UNC13D: variants seen among roughly 807,000 people sequenced by gnomAD.
The protein encoded by UNC13D is unc-13 homolog D.
A neutral mutation model predicts 151.7 loss-of-function variants in UNC13D; 115 were observed. The observed-to-expected ratio is 0.76, with a 90% CI of 0.65 to 0.88. The LOEUF (loss-of-function observed/expected upper bound fraction) is 0.88, where lower values mean the gene tolerates loss of function less well. Among genes scored for constraint, UNC13D ranks in the 40% least tolerant of loss-of-function variants. The pLI, the probability that UNC13D is intolerant of heterozygous loss-of-function variation, is 0.00. For synonymous variants in UNC13D, 588 were observed against 612.2 expected, an observed-to-expected ratio of 0.96 and a Z score of 0.58; for missense variants, 1,369 against 1,438.7, an observed-to-expected ratio of 0.95 and a Z score of 0.78.
At position 75,844,292 on chromosome 17, in the gene UNC13D, G is replaced by A. The variant is rs370709761; in HGVS notation, c.46C>T (p.Arg16Cys). 15 of 1,612,652 alleles carry A rather than the reference G, an allele frequency of 9.3e-6. No homozygotes were observed. The highest frequency in any genetic ancestry group is 2.2e-5 in the East Asian group (1 of 44,888). ...SHPQQRPPFL[R>C]QAIKIRRRRV... ...CGGCGCCTTATCTTGATGGCCTGGC[G>A]CAAGAAGGGAGGGCGCTGCTGCGGA... The change falls in exon 1 of 32, where the codon CGC becomes TGC. Residue 16 changes from arginine (R) to cysteine (C), a missense_variant. Around this residue, in one of 3 missense-constraint regions of UNC13D, gnomAD observed 550 missense variants for 609.0 expected, o/e 0.90. Coordinates refer to ENST00000207549, the MANE Select transcript of UNC13D (RefSeq NM_199242.3).
chr17:75,827,480 C>T lies in UNC13D; in HGVS notation c.*485G>A. 6.7e-7 allele frequency: 1 copy of T among 1,485,582 alleles called. No individual in the cohort carries two copies. Among genetic ancestry groups the T allele is most frequent in the East Asian group, 2.5e-5 (1 of 40,328 alleles). 92.0% of individuals were successfully genotyped at this position (1,485,582 alleles called of 1,614,324 possible). A position where few individuals can be genotyped will look rare whatever the true frequency, so the allele number is the denominator to read the frequency against. ...GGACCCAGGCCCCCTCTAGTAATGG[C>T]CACCACCCTCCCCCCAGGGCAGCTG... On this transcript the variant is annotated 3_prime_UTR_variant, in exon 32 of 32. Coordinates refer to ENST00000207549, the MANE Select transcript of UNC13D (RefSeq NM_199242.3).
intron 6 of UNC13D, among the ~76,000 whole-genome samples, chr17:75,841,853 A>T (rs1286722040): frequency 1.8e-4 from 27 of 149,594 alleles, no homozygotes; most frequent in Non-Finnish European, 3.0e-4. Context: ...GGTTCAAGCG[A>T]TTCCCCTGCC....
rs1331260307 is a variant in UNC13D at position 75,827,445 on chromosome 17, C to G, written c.*520G>C. The G allele has an allele frequency of 2.8e-6, 4 of 1,441,326 alleles. No individual in the cohort carries two copies. Among genetic ancestry groups the G allele is most frequent in the Non-Finnish European group, 3.6e-6 (4 of 1,099,000 alleles). 89.3% of individuals were successfully genotyped at this position (1,441,326 alleles called of 1,614,324 possible). A position where few individuals can be genotyped will look rare whatever the true frequency, so the allele number is the denominator to read the frequency against. ...CTTCCTGGCCTGGATGCTGGCAGCC[C>G]CTGGGGAGAGGACCCAGGCCCCCTC... is the stretch of plus-strand genomic sequence containing the variant. On this transcript the variant is annotated 3_prime_UTR_variant, in exon 32 of 32. Transcript: ENST00000207549.
intron 20 of UNC13D, 97 bp downstream of exon 20, chr17:75,835,312 C>A (rs760680818): frequency 8.7e-6 from 13 of 1,494,716 alleles, no homozygotes; most frequent in Non-Finnish European, 1.2e-5. Context: ...ATGTTCAGAG[C>A]GGGTTACTGG....
chr17:75,835,367 C>G (rs538837305), intron 20 of UNC13D, 42 bp downstream of exon 20: 1 of 1,603,092 alleles, frequency 6.2e-7, no homozygotes, highest in Non-Finnish European at 8.5e-7. Flanking sequence ...AAGCCTCACC[C>G]CCAAACCGGG....
intron 6 of UNC13D, among the ~76,000 whole-genome samples, chr17:75,842,044 G>C (rs955176619): frequency 6.6e-6 from 1 of 151,850 alleles, no homozygotes; most frequent in African/African-American, 2.4e-5. Context: ...ACCACGCCCG[G>C]CCTTTTTTGT....
In UNC13D at chr17:75,839,948, G is replaced by A; in HGVS notation, c.952-6C>T. 6.2e-7 allele frequency: 1 copy of A among 1,613,730 alleles called. No homozygotes were observed. Among genetic ancestry groups the A allele is most frequent in the Non-Finnish European group, 8.5e-7 (1 of 1,180,000 alleles). On this transcript the variant is annotated splice_polypyrimidine_tract_variant and splice_region_variant and intron_variant, in intron 11 of 31. Coordinates refer to ENST00000207549, the MANE Select transcript of UNC13D (RefSeq NM_199242.3). Reference sequence around the variant, plus strand: ...TCCCAGGAGGTGCTTCCCGCCTGAGGGGAGCAGGTGGAGGAGTGTCAGGAC... The same window carrying A: ...TCCCAGGAGGTGCTTCCCGCCTGAGAGGAGCAGGTGGAGGAGTGTCAGGAC...
chr17:75,839,231 C>T (rs1201455481), intron 12 of UNC13D, among the ~76,000 whole-genome samples: 2 of 151,734 alleles, frequency 1.3e-5, no homozygotes, highest in Non-Finnish European at 2.9e-5. Flanking sequence ...GGAGAAACCC[C>T]GTCTCTACTA....
intron 19 of UNC13D, 50 bp from the exon 20 acceptor site, chr17:75,835,579 C>A: frequency 6.2e-7 from 1 of 1,609,720 alleles, no homozygotes; most frequent in Non-Finnish European, 8.5e-7. Context: ...CACCATGGAC[C>A]CTGGGGCCTC....
chr17:75,843,204 G>A lies in UNC13D; in HGVS notation c.216C>T (p.Pro72=), dbSNP rs1477152767. 3 of 1,612,084 alleles carry A rather than the reference G, an allele frequency of 1.9e-6. No individual in the cohort carries two copies. The highest frequency in any genetic ancestry group is 2.2e-5 in the South Asian group (2 of 91,074). Residue 72 remains proline, a synonymous_variant, in exon 3 of 32, where the codon CCC becomes CCT. Transcript: ENST00000207549. ...GCTCAGAGGCCTCCGTCACATGGTT[G>A]GGCTCAGGATGACCCAGGCGGTGCA... ...TVLHRLGHPE[P]NHVTEASELL... is the part of the protein sequence containing the mutation.
intron 12 of UNC13D, among the ~76,000 whole-genome samples, chr17:75,837,377 T>C (rs2064916654): frequency 6.6e-6 from 1 of 151,888 alleles, no homozygotes; most frequent in African/African-American, 2.4e-5. Context: ...GGATTTTTTT[T>C]CTTTGTTTCC....
Position 75,827,881 on chromosome 17 carries a change from G to A in UNC13D, c.*84C>T, listed in dbSNP as rs913945039. 2.2e-5 allele frequency: 34 copies of A among 1,567,174 alleles called. No homozygotes were observed. The South Asian group carries it at 2.9e-4, about 13-fold the overall frequency. On this transcript the variant is annotated 3_prime_UTR_variant, in exon 32 of 32. Coordinates refer to ENST00000207549, the MANE Select transcript of UNC13D (RefSeq NM_199242.3). ...GTGTTAGGCCAGGCTGGAGGGCCGCGATGTGGCGGGGAAGCCCCAGACCCT... is the reference window on the plus strand; with the variant it reads ...GTGTTAGGCCAGGCTGGAGGGCCGCAATGTGGCGGGGAAGCCCCAGACCCT...
intron 6 of UNC13D, 73 bp from the exon 7 acceptor site, chr17:75,841,074 A>G (rs1301118924): frequency 6.4e-7 from 1 of 1,569,354 alleles, no homozygotes; most frequent in Admixed American, 1.7e-5. Flanking sequence ...AAGTGACCAC[A>G]GCCCAGAGCC....
chr17:75,834,714 G>A lies in UNC13D; in HGVS notation c.1995C>T (p.Asp665=), dbSNP rs1292865223. 6.8e-6 allele frequency: 11 copies of A among 1,613,568 alleles called. No homozygotes were observed. Among genetic ancestry groups the A allele is most frequent in the Non-Finnish European group, 9.3e-6 (11 of 1,179,998 alleles). The change falls in exon 22 of 32, where the codon GAC becomes GAT. Residue 665 remains aspartate, a splice_region_variant and synonymous_variant. Transcript: ENST00000207549. The part of the protein sequence containing the change: ...AFMITVKFVE[D]TCRLALVYCS... ...AGTACACCAGGGCCAGGCGACAGGT[G>A]TCCTAGGGTGGGGTTGGACAGAGGG...
Position 75,827,839 on chromosome 17 carries a change from A to G in UNC13D, c.*126T>C, listed in dbSNP as rs2062134182. 6 of 1,514,312 alleles carry G rather than the reference A, an allele frequency of 4.0e-6. No individual in the cohort carries two copies. In the East Asian group the frequency reaches 7.4e-5, roughly 19 times the overall value. 93.8% of individuals were successfully genotyped at this position (1,514,312 alleles called of 1,614,324 possible). A position where few individuals can be genotyped will look rare whatever the true frequency, so the allele number is the denominator to read the frequency against. ...GAGGTCTGCACTCTGGGCACTCCGC[A>G]TGCTGGGGCTCCCCAAGTGTTAGGC... On this transcript the variant is annotated 3_prime_UTR_variant, in exon 32 of 32. Coordinates refer to ENST00000207549, the MANE Select transcript of UNC13D (RefSeq NM_199242.3).
chr17:75,833,957 G>A lies in UNC13D; in HGVS notation c.2367+118C>T, dbSNP rs2064889093. 7 of 1,309,834 alleles carry A rather than the reference G, an allele frequency of 5.3e-6. No homozygotes were observed. The South Asian group carries it at 8.4e-5, about 16-fold the overall frequency. The allele number at this position is 1,309,834 out of a possible 1,614,324, so 81.1% of individuals were successfully genotyped here. On this transcript the variant is annotated intron_variant, in intron 24 of 31. Coordinates refer to ENST00000207549, the MANE Select transcript of UNC13D (RefSeq NM_199242.3). This position sits in a 1 kb window ranked among gnomAD's most constrained non-coding sequence, Gnocchi z 4.0. ...ATCCCAGGAGGAAACTGAGGCCCAG[G>A]GAGAGAACATGCTTTGCCTGGTCTG...
rs755466807 is a variant in UNC13D, at chr17:75,843,281, G to A, written c.154-15C>T. 3 of 1,603,806 alleles carry A rather than the reference G, an allele frequency of 1.9e-6. No homozygotes were observed. Among genetic ancestry groups the A allele is most frequent in the East Asian group, 4.5e-5 (2 of 44,788 alleles). ...AGCAGGGCCCGCTAAGACACACGGG[G>A]TCACCTTGGGGACCCCACCAGCCAC... is the stretch of plus-strand genomic sequence containing the variant. On this transcript the variant is annotated splice_polypyrimidine_tract_variant and intron_variant, in intron 2 of 31. Coordinates refer to ENST00000207549, the MANE Select transcript of UNC13D (RefSeq NM_199242.3).
chr17:75,832,554 A>T lies in UNC13D; in HGVS notation c.2447+412T>A, dbSNP rs1460781985. The T allele has an allele frequency of 9.3e-5, 16 of 172,130 alleles. No homozygotes were observed. Among genetic ancestry groups the T allele is most frequent in the African/African-American group, 3.1e-4 (13 of 42,410 alleles). 10.7% of individuals were successfully genotyped at this position (172,130 alleles called of 1,614,324 possible). The stretch of plus-strand genomic sequence containing the variant: ...TGCACCGTGGGCAGGGACCACCTGT[A>T]ACCTAATGGGGGCAGAGGAGCAGGC... On this transcript the variant is annotated intron_variant, in intron 25 of 31. Coordinates refer to ENST00000207549, the MANE Select transcript of UNC13D (RefSeq NM_199242.3). The surrounding 1 kb of genome is among the most constrained non-coding windows in gnomAD (Gnocchi z 4.3).
rs894740137 is a variant in UNC13D at position 75,835,307 on chromosome 17, C to T, written c.1848+102G>A. 76 of 1,481,680 alleles carry T rather than the reference C, an allele frequency of 5.1e-5. 1 individual carries two copies. The Admixed American group carries it at 1.4e-3, about 28-fold the overall frequency. The allele number at this position is 1,481,680 out of a possible 1,614,324, so 91.8% of individuals were successfully genotyped here. ...CTCAAGTGCACCCAAAAGGGATGTT[C>T]AGAGCGGGTTACTGGCTTTTACTAC... On this transcript the variant is annotated intron_variant, in intron 20 of 31. Coordinates refer to ENST00000207549, the MANE Select transcript of UNC13D (RefSeq NM_199242.3).
Sources: gnomAD v4.1 joint callset for allele counts (sites outside exome capture counted in the v4.1 genomes callset) on GRCh38, gnomAD v4.1.1 for gene constraint, gnomAD v4.1.1 regional missense constraint, Gnocchi (gnomAD v3.1) non-coding constraint, MANE v1.5 for transcripts, NCBI Gene and HGNC (gene_info 2026-07-23, HGNC 2026-07-21) for gene names.